GABRB1: variants seen among roughly 807,000 people sequenced by gnomAD.
The protein encoded by GABRB1 is gamma-aminobutyric acid type A receptor subunit beta1.
In GABRB1, 17 loss-of-function variants were observed where a neutral mutation model predicts 51.6. The ratio of observed to expected loss-of-function variants is 0.33; its 90% CI spans 0.23 to 0.49. GABRB1 has a LOEUF of 0.49. Ranked by LOEUF, GABRB1 falls within the 20% of genes least tolerant of loss-of-function variation. GABRB1 has a pLI of 0.99. For synonymous variants in GABRB1, 247 were observed against 218.9 expected (o/e 1.13, Z -1.14); for missense variants, 410 against 600.6 (o/e 0.68, Z 3.32).
chr4:47,073,453 A>T (rs1260560682), intron 3 of GABRB1, among the ~76,000 whole-genome samples: 10 of 152,180 alleles, frequency 6.6e-5, no homozygotes, highest in South Asian at 2.1e-4. Flanking sequence ...AAACATATAG[A>T]TTGTCCAGTG....
At chr4:47,354,673 T>C (rs1726484530) in intron 5 of GABRB1, among the ~76,000 whole-genome samples, 1 of 152,204 alleles carries the variant, frequency 6.6e-6, no homozygotes. Flanking sequence ...CCTTCCCCCG[T>C]AGCTTCCTGA....
chr4:47,352,528 G>T (rs1035520897), intron 5 of GABRB1, among the ~76,000 whole-genome samples: 2 of 152,100 alleles, frequency 1.3e-5, no homozygotes, highest in African/African-American at 4.8e-5. Flanking sequence ...TAAAATACTG[G>T]CAAACCGAAT....
At chr4:47,036,878 G>GA in intron 3 of GABRB1, among the ~76,000 whole-genome samples, 1 of 151,182 alleles carries the variant, frequency 6.6e-6, no homozygotes. Context: ...AAGAAAAAAA[G>GA]AAAAAAAGAA....
intron 3 of GABRB1, among the ~76,000 whole-genome samples, chr4:47,156,647 A>G (rs1717713890): frequency 6.8e-6 from 1 of 147,098 alleles, no homozygotes; most frequent in African/African-American, 2.7e-5. Flanking sequence ...ACCTTTAATC[A>G]TCTCTAGATT....
intron 5 of GABRB1, among the ~76,000 whole-genome samples, chr4:47,339,349 T>C (rs1196154270): frequency 6.6e-6 from 1 of 152,172 alleles, no homozygotes. Context: ...CATTGAGCTG[T>C]TGAAAGCTCT....
At chr4:47,166,390 C>T (rs1718190369) in intron 4 of GABRB1, among the ~76,000 whole-genome samples, 1 of 151,992 alleles carries the variant, frequency 6.6e-6, no homozygotes, top group Admixed American at 6.6e-5. Flanking sequence ...TCCTCTTCCT[C>T]AGCCTACTCA....
chr4:47,089,306 T>C (rs1728202308), intron 3 of GABRB1, among the ~76,000 whole-genome samples: 1 of 152,188 alleles, frequency 6.6e-6, no homozygotes, highest in Non-Finnish European at 1.5e-5. Context: ...CCCCATAATC[T>C]GCTGTTTTGC....
At chr4:47,199,734 C>G (rs1719826017) in intron 4 of GABRB1, among the ~76,000 whole-genome samples, 1 of 152,058 alleles carries the variant, frequency 6.6e-6, no homozygotes, top group African/African-American at 2.4e-5. Context: ...TATTCTATTT[C>G]CTAGGTGAAC....
chr4:47,093,450 C>G (rs1714222166), intron 3 of GABRB1, among the ~76,000 whole-genome samples: 1 of 152,248 alleles, frequency 6.6e-6, no homozygotes, highest in Middle Eastern at 3.4e-3. Context: ...GCTCATTCTC[C>G]TCCTCCCCAA....
intron 3 of GABRB1, among the ~76,000 whole-genome samples, chr4:47,155,598 T>C (rs981488568): frequency 6.6e-6 from 1 of 151,900 alleles, no homozygotes; most frequent in Admixed American, 6.6e-5. Context: ...CAAGGGACCC[T>C]CACTTTTGCA....
chr4:47,215,282 G>A (rs972887889), intron 4 of GABRB1, among the ~76,000 whole-genome samples: 7 of 152,046 alleles, frequency 4.6e-5, no homozygotes, highest in African/African-American at 1.7e-4. Context: ...GGTTTATATT[G>A]CTATTGAAAA....
chr4:47,340,306 T>C (rs780576797), intron 5 of GABRB1, among the ~76,000 whole-genome samples: 1 of 152,036 alleles, frequency 6.6e-6, no homozygotes, highest in Non-Finnish European at 1.5e-5. Flanking sequence ...TGCTCCCCAG[T>C]AAGTCTTTGT....
chr4:47,120,101 A>G (rs975444377), intron 3 of GABRB1, among the ~76,000 whole-genome samples: 3 of 152,182 alleles, frequency 2.0e-5, no homozygotes, highest in Non-Finnish European at 4.4e-5. Flanking sequence ...TTAAGTCAAA[A>G]ACTATAAAAA....
At chr4:47,130,266 G>C (rs1448844930) in intron 3 of GABRB1, among the ~76,000 whole-genome samples, 3 of 151,544 alleles carry the variant, frequency 2.0e-5, no homozygotes, top group Non-Finnish European at 4.4e-5. Context: ...GCTGGCCCCT[G>C]CCCACCTCCA....
chr4:47,060,154 C>T (rs992861708), intron 3 of GABRB1, among the ~76,000 whole-genome samples: 7 of 151,924 alleles, frequency 4.6e-5, no homozygotes, highest in African/African-American at 1.7e-4. Context: ...ATTTTATTTG[C>T]CAGAAAAAAC....
intron 3 of GABRB1, among the ~76,000 whole-genome samples, chr4:47,056,578 T>C (rs905189158): frequency 2.0e-5 from 3 of 152,006 alleles, no homozygotes; most frequent in African/African-American, 4.8e-5. Context: ...GAAATACACA[T>C]ACAAATGGAC....
At chr4:47,291,430 C>G (rs1017555575) in intron 4 of GABRB1, among the ~76,000 whole-genome samples, 1 of 152,124 alleles carries the variant, frequency 6.6e-6, no homozygotes, top group East Asian at 1.9e-4. Context: ...GGTGTCGGAG[C>G]CCCCCGACCC....
chr4:47,199,330 C>T (rs1719809067), intron 4 of GABRB1, among the ~76,000 whole-genome samples: 1 of 152,052 alleles, frequency 6.6e-6, no homozygotes, highest in Non-Finnish European at 1.5e-5. Flanking sequence ...CCTCTGACAA[C>T]CAAAAGGTCA....
intron 4 of GABRB1, among the ~76,000 whole-genome samples, chr4:47,298,851 A>G (rs888748330): frequency 1.4e-4 from 22 of 152,070 alleles, no homozygotes; most frequent in Admixed American, 9.8e-4. Context: ...CTACAAGGCT[A>G]CAGTAACCAA....
Sources: allele counts gnomAD v4.1 joint callset (sites outside exome capture counted in the v4.1 genomes callset), GRCh38; gene constraint gnomAD v4.1.1; transcripts MANE v1.5; gene names NCBI Gene and HGNC (gene_info 2026-07-23, HGNC 2026-07-21).